Variants in PKP1 observed in about 807,000 individuals in gnomAD.
PKP1 encodes plakophilin-1.
A neutral mutation model predicts 76.4 loss-of-function variants in PKP1; 27 were observed. That is an observed-to-expected ratio of 0.35 (90% confidence interval 0.26 to 0.49). The LOEUF (loss-of-function observed/expected upper bound fraction) is 0.49, where lower values mean the gene tolerates loss of function less well. PKP1 is among the 20% of genes least tolerant of loss of function. The pLI, the probability that PKP1 is intolerant of heterozygous loss-of-function variation, is 0.99. For synonymous variants in PKP1, 404 were observed against 384.2 expected (o/e 1.05, Z -0.60); for missense variants, 964 against 955.2 (o/e 1.01, Z -0.12).
At chr1:201,299,035 A>G (rs1656148704) in intron 2 of PKP1, among the ~76,000 whole-genome samples, 1 of 152,244 alleles carries the variant, frequency 6.6e-6, no homozygotes, top group African/African-American at 2.4e-5. Flanking sequence ...TCGAGTGTCC[A>G]CAAGGGCAGA....
chr1:201,328,541 T>G (rs1020058709), intron 12 of PKP1: 1 of 602,694 alleles, frequency 1.7e-6, no homozygotes, highest in Non-Finnish European at 3.0e-6. Context: ...GAAATTCACA[T>G]GTGTCAGTGG....
chr1:201,318,622 G>A lies in PKP1; in HGVS notation c.1059G>A (p.Leu353=). The change falls in exon 6 of 14, where the codon CTG becomes CTA. Residue 353 remains leucine (L), a synonymous_variant. Transcript: ENST00000367324. ...NAEIQKQLTG[L]LWNLSSTDEL... Reference sequence around the variant, plus strand: ...TTGATGGTCTCTGACCCCCAGGGCTGCTCTGGAACCTGTCTTCCACTGACG... The same window carrying A: ...TTGATGGTCTCTGACCCCCAGGGCTACTCTGGAACCTGTCTTCCACTGACG... 6.2e-7 allele frequency: 1 copy of A among 1,612,134 alleles called. No individual in the cohort carries two copies. The highest frequency in any genetic ancestry group is 1.1e-5 in the South Asian group (1 of 90,990).
chr1:201,325,262 G>T lies in PKP1; in HGVS notation c.2021+135G>T. 1.5e-5 allele frequency: 14 copies of T among 903,418 alleles called. No individual in the cohort carries two copies. The South Asian group carries it at 2.0e-4, about 13-fold the overall frequency. The allele number at this position is 903,418 out of a possible 1,614,324, so 56.0% of individuals were successfully genotyped here. A position where few individuals can be genotyped will look rare whatever the true frequency, so the allele number is the denominator to read the frequency against. The stretch of plus-strand genomic sequence containing the variant: ...GCAGGGGGAGCCAGGGACGGGGGAG[G>T]CTTGAATGGAGGAGAAGTTCCAGAA... On this transcript the variant is annotated intron_variant, in intron 11 of 13. Transcript: ENST00000367324.
rs754383213 is a variant in PKP1 at position 201,322,985 on chromosome 1, A to AC, written c.1504-22dup. On this transcript the variant is annotated intron_variant, in intron 8 of 13. Coordinates refer to ENST00000367324, the MANE Select transcript of PKP1 (RefSeq NM_001005337.3). ...TGTCCTCTCACAAGGCTCCCCATTG[A>AC]CCCCCCTGACCGGCTCTTTATCCTC... is the stretch of plus-strand genomic sequence containing the variant. The AC allele has an allele frequency of 5.0e-6, 8 of 1,609,898 alleles. No homozygotes were observed. The African/African-American group carries it at 9.4e-5, about 19-fold the overall frequency.
chr1:201,322,922 C>T (rs1025307254), intron 8 of PKP1, 91 bp from the exon 9 acceptor site: 96 of 1,399,220 alleles, frequency 6.9e-5, no homozygotes, highest in Middle Eastern at 2.1e-4. Flanking sequence ...GAACCACGAC[C>T]CTGAGGCTGG....
intron 3 of PKP1, among the ~76,000 whole-genome samples, chr1:201,315,930 G>T (rs930526510): frequency 6.6e-6 from 1 of 152,184 alleles, no homozygotes; most frequent in African/African-American, 2.4e-5. Flanking sequence ...GTCCCTTGCT[G>T]CCTTTAAAGT....
At chr1:201,316,971 CT>C (rs779082696) in intron 4 of PKP1, among the ~76,000 whole-genome samples, 2 of 152,296 alleles carry the variant, frequency 1.3e-5, no homozygotes, top group South Asian at 2.1e-4. Flanking sequence ...ACAGAAACCC[CT>C]TTTCTCAAAT....
At chr1:201,325,371 G>A (rs577378958) in intron 11 of PKP1, among the ~76,000 whole-genome samples, 1 of 152,158 alleles carries the variant, frequency 6.6e-6, no homozygotes, top group South Asian at 2.1e-4. Context: ...CCTGGCTGGG[G>A]GACTCGGGGG....
chr1:201,290,015 C>T (rs953306133), intron 1 of PKP1, among the ~76,000 whole-genome samples: 5 of 152,264 alleles, frequency 3.3e-5, no homozygotes, highest in Admixed American at 2.6e-4. Flanking sequence ...GAGATTTCCA[C>T]TCATCCTAAA....
chr1:201,286,548 A>G (rs1655745095), intron 1 of PKP1, among the ~76,000 whole-genome samples: 1 of 152,206 alleles, frequency 6.6e-6, no homozygotes, highest in African/African-American at 2.4e-5. Context: ...AGCCTGTCAC[A>G]AAATGCCTGT....
chr1:201,306,722 T>C (rs1256496654), intron 2 of PKP1, among the ~76,000 whole-genome samples: 1 of 152,184 alleles, frequency 6.6e-6, no homozygotes, highest in African/African-American at 2.4e-5. Context: ...TCACCCAGGC[T>C]GGAGTGCAGT....
chr1:201,322,931 G>A lies in PKP1; in HGVS notation c.1504-82G>A. ...TATCTGGAACCACGACCCTGAGGCT[G>A]GGGGGATGGGGACAGAATGCCTGGG... On this transcript the variant is annotated intron_variant, in intron 8 of 13. Transcript: ENST00000367324. 5.6e-6 allele frequency: 8 copies of A among 1,429,152 alleles called. No individual in the cohort carries two copies. The South Asian group carries it at 8.7e-5, about 16-fold the overall frequency. The allele number at this position is 1,429,152 out of a possible 1,614,324, so 88.5% of individuals were successfully genotyped here. A position where few individuals can be genotyped will look rare whatever the true frequency, so the allele number is the denominator to read the frequency against.
chr1:201,325,447 C>T (rs995025103), intron 11 of PKP1, among the ~76,000 whole-genome samples: 1 of 152,116 alleles, frequency 6.6e-6, no homozygotes, highest in Non-Finnish European at 1.5e-5. Context: ...GGGACTTTAT[C>T]CTGCTCTGTG....
intron 2 of PKP1, among the ~76,000 whole-genome samples, chr1:201,296,062 C>A (rs1157181483): frequency 6.6e-6 from 1 of 152,174 alleles, no homozygotes; most frequent in Non-Finnish European, 1.5e-5. Context: ...TAAGACCCAA[C>A]CCTCCTTACT....
At chr1:201,301,423 TCCTC>T (rs1656227023) in intron 2 of PKP1, among the ~76,000 whole-genome samples, 2 of 152,140 alleles carry the variant, frequency 1.3e-5, no homozygotes, top group Non-Finnish European at 2.9e-5. Flanking sequence ...CAACTAATCT[TCCTC>T]CATCATTTCC....
In PKP1 at chr1:201,318,401, T is replaced by C. The variant is rs916398; in HGVS notation, c.1055-217T>C. 0.5 allele frequency among the ~76,000 whole-genome samples: 75,631 copies of C among 152,152 alleles called. 22,841 individuals carry two copies. Among genetic ancestry groups the C allele is most frequent in the East Asian group, 0.74 (3,813 of 5,164 alleles). On this transcript the variant is annotated intron_variant, in intron 5 of 13. Coordinates refer to ENST00000367324, the MANE Select transcript of PKP1 (RefSeq NM_001005337.3). ...TAATTTTGGCCTTGACAGAGAACTC[T>C]GAGATGTTCCCTGCCTGCAAAGAAC...
At chr1:201,324,329 G>A in intron 9 of PKP1, 99 bp from the exon 10 acceptor site, 1 of 1,262,170 alleles carries the variant, frequency 7.9e-7, no homozygotes, top group Non-Finnish European at 1.2e-6. Context: ...AAGAGAAAGG[G>A]TTCTGGGATG....
chr1:201,299,027 G>A (rs1042393072), intron 2 of PKP1, among the ~76,000 whole-genome samples: 2 of 152,184 alleles, frequency 1.3e-5, no homozygotes, highest in Admixed American at 6.5e-5. Flanking sequence ...CATGCTAATC[G>A]AGTGTCCACA....
At chr1:201,285,952 G>A (rs1655721185) in intron 1 of PKP1, among the ~76,000 whole-genome samples, 1 of 152,240 alleles carries the variant, frequency 6.6e-6, no homozygotes, top group African/African-American at 2.4e-5. Context: ...TCTACCCTCA[G>A]ACTCTGCGGA....
Sources: gnomAD v4.1 joint callset for allele counts (sites outside exome capture counted in the v4.1 genomes callset) on GRCh38, gnomAD v4.1.1 for gene constraint, MANE v1.5 for transcripts, NCBI Gene and HGNC (gene_info 2026-07-23, HGNC 2026-07-21) for gene names.